PLA2G12A: variants seen among roughly 807,000 people sequenced by gnomAD.
PLA2G12A encodes phospholipase A2 group XIIA.
Under a neutral mutation model 16.0 loss-of-function variants are expected in PLA2G12A, and 11 were observed. The ratio of observed to expected loss-of-function variants is 0.69; its 90% CI spans 0.43 to 1.13. The LOEUF is 1.13. Among genes scored for constraint, PLA2G12A ranks in the 50% most tolerant of loss-of-function variants. The pLI, the probability that PLA2G12A is intolerant of heterozygous loss-of-function variation, is 0.00. For synonymous variants in PLA2G12A, 77 were observed against 93.8 expected (o/e 0.82, Z 1.03); for missense variants, 214 against 237.3 (o/e 0.90, Z 0.65).
intron 3 of PLA2G12A, among the ~76,000 whole-genome samples, chr4:109,715,205 C>T (rs1347062521): frequency 6.6e-6 from 1 of 152,172 alleles, no homozygotes; most frequent in East Asian, 1.9e-4. Flanking sequence ...TAATCACTAA[C>T]AGAGTTGTCT....
chr4:109,710,138 A>T lies in PLA2G12A; in HGVS notation c.*4239T>A, dbSNP rs1730695378. 6.6e-6 allele frequency: 1 copy of T among 152,238 alleles called. No homozygotes were observed. The highest frequency in any genetic ancestry group is 6.5e-5 in the Admixed American group (1 of 15,282). The allele number at this position is 152,238 out of a possible 1,614,324, so 9.4% of individuals were successfully genotyped here. On this transcript the variant is annotated 3_prime_UTR_variant, in exon 4 of 4. Transcript: ENST00000243501. ...AAACTAAAAATGCTACTTCAAATATAGCAACAGTCACTACATAAGGCTTAA... is the reference window on the plus strand; with the variant it reads ...AAACTAAAAATGCTACTTCAAATATTGCAACAGTCACTACATAAGGCTTAA...
rs192432736 is a variant in PLA2G12A, at chr4:109,717,544, T to A, written c.451+4A>T. On this transcript the variant is annotated splice_donor_region_variant and intron_variant, in intron 3 of 3. Coordinates refer to ENST00000243501, the MANE Select transcript of PLA2G12A (RefSeq NM_030821.5). Reference sequence around the variant, plus strand: ...TCATCCCCAAGCCACCAGATCATCCTTACCCTGAACATGCTGAGTTAGTCC... The same window carrying A: ...TCATCCCCAAGCCACCAGATCATCCATACCCTGAACATGCTGAGTTAGTCC... 1,782 of 1,613,064 alleles carry A rather than the reference T, an allele frequency of 1.1e-3. 22 individuals carry two copies. Among genetic ancestry groups the A allele is most frequent in the Middle Eastern group, 9.8e-3 (59 of 6,014 alleles).
At chr4:109,721,124 G>A (rs1730933625) in intron 1 of PLA2G12A, among the ~76,000 whole-genome samples, 1 of 152,098 alleles carries the variant, frequency 6.6e-6, no homozygotes. Context: ...AAGGAAAAAT[G>A]TATACAAAAA....
chr4:109,725,682 TC>T (rs1446492205), intron 1 of PLA2G12A, among the ~76,000 whole-genome samples: 1 of 152,218 alleles, frequency 6.6e-6, no homozygotes, highest in Non-Finnish European at 1.5e-5. Flanking sequence ...ACTGCAGAAA[TC>T]TAAAGATTTT....
At position 109,729,961 on chromosome 4, in the gene PLA2G12A, C is replaced by G; in HGVS notation, c.-152G>C. The G allele has an allele frequency of 1.5e-6, 1 of 651,296 alleles. No homozygotes were observed. 40.3% of individuals were successfully genotyped at this position (651,296 alleles called of 1,614,324 possible). A position where few individuals can be genotyped will look rare whatever the true frequency, so the allele number is the denominator to read the frequency against. ...CTCCTTCCCGGCTGGCCCTCAGGAT[C>G]TCGCTGTCTTTACGTGAACCGCCTC... is the stretch of plus-strand genomic sequence containing the variant. On this transcript the variant is annotated 5_prime_UTR_variant, in exon 1 of 4. Coordinates refer to ENST00000243501, the MANE Select transcript of PLA2G12A (RefSeq NM_030821.5).
intron 1 of PLA2G12A, among the ~76,000 whole-genome samples, chr4:109,724,467 A>G (rs1357919932): frequency 6.6e-6 from 1 of 151,998 alleles, no homozygotes; most frequent in Non-Finnish European, 1.5e-5. Flanking sequence ...TACATACAAC[A>G]GCAGTACTTC....
chr4:109,716,175 C>T (rs1730824978), intron 3 of PLA2G12A, among the ~76,000 whole-genome samples: 1 of 152,216 alleles, frequency 6.6e-6, no homozygotes, highest in Admixed American at 6.5e-5. Context: ...CAAAGGGATA[C>T]AGAGGCTGTG....
At chr4:109,714,611 G>C in intron 3 of PLA2G12A, 116 bp from the exon 4 acceptor site, 1 of 687,226 alleles carries the variant, frequency 1.5e-6, no homozygotes, top group Non-Finnish European at 2.6e-6. Context: ...ATGTATGCTA[G>C]ATGAAATCAC....
chr4:109,714,943 C>T (rs1221144930), intron 3 of PLA2G12A, among the ~76,000 whole-genome samples: 1 of 145,342 alleles, frequency 6.9e-6, no homozygotes, highest in Non-Finnish European at 1.5e-5. Context: ...ACACACAACA[C>T]CACACCCAGC....
At chr4:109,724,513 T>C (rs1287229127) in intron 1 of PLA2G12A, among the ~76,000 whole-genome samples, 2 of 152,112 alleles carry the variant, frequency 1.3e-5, no homozygotes, top group African/African-American at 2.4e-5. Flanking sequence ...TCTAAATCCA[T>C]AGACTCTGAT....
chr4:109,720,788 G>A (rs1730926127), intron 1 of PLA2G12A, among the ~76,000 whole-genome samples: 1 of 151,768 alleles, frequency 6.6e-6, no homozygotes, highest in South Asian at 2.1e-4. Context: ...TATAGCCTGG[G>A]CTGGGAGCGG....
rs116919390 is a variant in PLA2G12A, at chr4:109,727,174, G to A, written c.208+2428C>T. The stretch of plus-strand genomic sequence containing the variant: ...GCTCTGTCACCCAGGCTGGAGGCAC[G>A]GTCTCGGCTCACTGCAACCTCCACC... On this transcript the variant is annotated intron_variant, in intron 1 of 3. Coordinates refer to ENST00000243501, the MANE Select transcript of PLA2G12A (RefSeq NM_030821.5). Among the ~76,000 whole-genome samples the A allele has an allele frequency of 3.6e-3, 549 of 151,740 alleles. 7 individuals are homozygous for A. Among genetic ancestry groups the A allele is most frequent in the East Asian group, 0.013 (68 of 5,146 alleles).
At chr4:109,724,735 A>G (rs1411526421) in intron 1 of PLA2G12A, among the ~76,000 whole-genome samples, 1 of 152,220 alleles carries the variant, frequency 6.6e-6, no homozygotes. Context: ...ACAGAGAAGG[A>G]CAACTGGCAA....
chr4:109,724,700 A>T (rs954865446), intron 1 of PLA2G12A, among the ~76,000 whole-genome samples: 2 of 152,228 alleles, frequency 1.3e-5, no homozygotes, highest in African/African-American at 4.8e-5. Context: ...TGCCCACCAT[A>T]GGAGAGTAAA....
chr4:109,718,810 AATAC>A lies in PLA2G12A; in HGVS notation c.209-55_209-52del, dbSNP rs770255965. 1.3e-5 allele frequency: 16 copies of A among 1,268,064 alleles called. No individual in the cohort carries two copies. In the African/African-American group the frequency reaches 2.2e-4, roughly 17 times the overall value. 78.6% of individuals were successfully genotyped at this position (1,268,064 alleles called of 1,614,324 possible). A position where few individuals can be genotyped will look rare whatever the true frequency, so the allele number is the denominator to read the frequency against. On this transcript the variant is annotated intron_variant, in intron 1 of 3. Coordinates refer to ENST00000243501, the MANE Select transcript of PLA2G12A (RefSeq NM_030821.5). ...TAATTTTCAAATATGATAAAAGTAA[AATAC>A]ATACTCAAAAAGGTCAATATGCTAC...
chr4:109,728,785 T>C (rs1358824964), intron 1 of PLA2G12A, among the ~76,000 whole-genome samples: 1 of 152,224 alleles, frequency 6.6e-6, no homozygotes, highest in Non-Finnish European at 1.5e-5. Context: ...GCTAATCTTA[T>C]TGGAAACATG....
At position 109,724,945 on chromosome 4, in the gene PLA2G12A, C is replaced by T. The variant is rs368025151; in HGVS notation, c.208+4657G>A. 7.2e-5 allele frequency among the ~76,000 whole-genome samples: 11 copies of T among 152,136 alleles called. No individual in the cohort carries two copies. The East Asian group carries it at 1.4e-3, about 19-fold the overall frequency. On this transcript the variant is annotated intron_variant, in intron 1 of 3. Transcript: ENST00000243501. ...TCCCCAGTGTAAATGGCAAAAGGGGCATATGTGTATGGTTCTTTAGTTTTT... is the reference window on the plus strand; with the variant it reads ...TCCCCAGTGTAAATGGCAAAAGGGGTATATGTGTATGGTTCTTTAGTTTTT...
chr4:109,718,659 T>C, intron 2 of PLA2G12A, 24 bp downstream of exon 2: 1 of 1,524,788 alleles, frequency 6.6e-7, no homozygotes, highest in Non-Finnish European at 9.0e-7. Flanking sequence ...TTACAAAACT[T>C]ATCAAATAAA....
In PLA2G12A at chr4:109,714,154, G is replaced by C. The variant is rs1181146085; in HGVS notation, c.*223C>G. The C allele has an allele frequency of 2.4e-5, 12 of 508,030 alleles. No homozygotes were observed. The East Asian group carries it at 3.7e-4, about 16-fold the overall frequency. The allele number at this position is 508,030 out of a possible 1,614,324, so 31.5% of individuals were successfully genotyped here. The stretch of plus-strand genomic sequence containing the variant: ...CAAGACATTTGGCATACTAAGTAAG[G>C]GAGCAATGCTGGGGAAGATACCTGA... On this transcript the variant is annotated 3_prime_UTR_variant, in exon 4 of 4. Transcript: ENST00000243501.
Sources: gnomAD v4.1 joint callset for allele counts (sites outside exome capture counted in the v4.1 genomes callset) on GRCh38, gnomAD v4.1.1 for gene constraint, MANE v1.5 for transcripts, NCBI Gene and HGNC (gene_info 2026-07-23, HGNC 2026-07-21) for gene names.